The following TSHZ2 variants were observed in gnomAD, a reference collection of about 807,000 sequenced individuals.
TSHZ2 encodes teashirt zinc finger homeobox 2, also known as teashirt homolog 2.
A neutral mutation model predicts 74.4 loss-of-function variants in TSHZ2; 21 were observed. The ratio of observed to expected loss-of-function variants is 0.28; its 90% confidence interval spans 0.20 to 0.41. The LOEUF is 0.41. TSHZ2 is among the 10% of genes least tolerant of loss of function. The probability of loss-of-function intolerance (pLI) is 1.00; values close to 1 mark genes in which losing one functional copy is unlikely to be tolerated. For missense variants in TSHZ2, 1,244 were observed against 1,293.5 expected, an observed-to-expected ratio of 0.96 and a Z score of 0.59; for synonymous variants, 540 against 515.3, an observed-to-expected ratio of 1.05 and a Z score of -0.65.
chr20:53,251,196 C>A (rs1990322167), intron 1 of TSHZ2, among the ~76,000 whole-genome samples: 1 of 152,118 alleles, frequency 6.6e-6, no homozygotes, highest in Non-Finnish European at 1.5e-5. Flanking sequence ...TCTTAGTTGG[C>A]CTGGAACATC....
At chr20:53,340,624 C>T (rs200613) in intron 2 of TSHZ2, among the ~76,000 whole-genome samples, 1 of 152,020 alleles carries the variant, frequency 6.6e-6, no homozygotes, top group East Asian at 1.9e-4. Context: ...AACTGTGTTG[C>T]GCACTCCTAT....
intron 2 of TSHZ2, among the ~76,000 whole-genome samples, chr20:53,473,764 C>A (rs200490050): frequency 1.2e-3 from 182 of 151,828 alleles, no homozygotes; most frequent in African/African-American, 3.5e-3. Context: ...TTTGAAAAAA[C>A]TTTAGAAGAA....
At chr20:53,416,835 G>C (rs1271528649) in intron 2 of TSHZ2, among the ~76,000 whole-genome samples, 1 of 152,188 alleles carries the variant, frequency 6.6e-6, no homozygotes, top group Non-Finnish European at 1.5e-5. Context: ...CCCTTGGATT[G>C]CATCCCCAAA....
In TSHZ2 at chr20:53,148,986, C is replaced by T. The variant is rs1354121364; in HGVS notation, c.41-104513C>T. 2.0e-5 allele frequency among the ~76,000 whole-genome samples: 3 copies of T among 152,146 alleles called. No individual in the cohort carries two copies. In the South Asian group the frequency reaches 6.2e-4, roughly 32 times the overall value. On this transcript the variant is annotated intron_variant, in intron 1 of 2. Transcript: ENST00000371497. The stretch of plus-strand genomic sequence containing the variant: ...AATTTGGCTAATATCCAGAGCACTG[C>T]AAAGAAATAAACAATGCAAAGCAAT...
intron 1 of TSHZ2, among the ~76,000 whole-genome samples, chr20:53,002,376 T>C (rs1015574947): frequency 1.6e-4 from 24 of 152,164 alleles, no homozygotes; most frequent in African/African-American, 5.3e-4. Flanking sequence ...CCAATCACAA[T>C]CTAAAAATAA....
chr20:53,068,097 C>T (rs1223177436), intron 1 of TSHZ2, among the ~76,000 whole-genome samples: 1 of 152,152 alleles, frequency 6.6e-6, no homozygotes, highest in East Asian at 1.9e-4. Context: ...TTTAAGAACA[C>T]CAGTCACTGG....
chr20:53,055,833 T>G (rs1236782962), intron 1 of TSHZ2, among the ~76,000 whole-genome samples: 1 of 152,220 alleles, frequency 6.6e-6, no homozygotes, highest in Non-Finnish European at 1.5e-5. Flanking sequence ...TAAAGTTTTA[T>G]TGGCACTCAG....
In TSHZ2 at chr20:53,254,501, A is replaced by C. The variant is rs770925165; in HGVS notation, c.1043A>C (p.Lys348Thr). The change falls in exon 2 of 3, where the codon AAG becomes ACG. Residue 348 changes from lysine to threonine, a missense_variant. This residue lies in a region of TSHZ2 where 470 missense variants were observed against 456.5 expected (regional missense o/e 1.03). Transcript: ENST00000371497. ...GSFADSFSSQ[K>T]NANLQLSSNN... ...TTTGCAGATTCTTTTTCTTCTCAGA[A>C]GAACGCCAACTTGCAGTTGTCCTCC... 9 of 1,614,022 alleles carry C rather than the reference A, an allele frequency of 5.6e-6. No individual in the cohort carries two copies. Among genetic ancestry groups the C allele is most frequent in the Admixed American group, 5.0e-5 (3 of 60,008 alleles).
chr20:53,014,517 A>T (rs1408812503), intron 1 of TSHZ2, among the ~76,000 whole-genome samples: 1 of 152,108 alleles, frequency 6.6e-6, no homozygotes, highest in Non-Finnish European at 1.5e-5. Context: ...CCAGGTGGTG[A>T]CTGGAGGCAC....
intron 2 of TSHZ2, among the ~76,000 whole-genome samples, chr20:53,447,647 C>T (rs151133049): frequency 6.6e-6 from 1 of 152,326 alleles, no homozygotes; most frequent in Non-Finnish European, 1.5e-5. Context: ...GACTGTCCCT[C>T]AATCATTCCA....
At position 53,157,391 on chromosome 20, in the gene TSHZ2, T is replaced by A. The variant is rs536406512; in HGVS notation, c.41-96108T>A. Among the ~76,000 whole-genome samples, 17 of 147,888 alleles carry A rather than the reference T, an allele frequency of 1.1e-4. No homozygotes were observed. The South Asian group carries it at 3.4e-3, about 30-fold the overall frequency. On this transcript the variant is annotated intron_variant, in intron 1 of 2. Transcript: ENST00000371497. ...TCTGTTGAACAAACCTGTTCTATCC[T>A]CCAACATTGAGTTGGTTTTTTTTTT...
At chr20:53,180,126 C>T (rs993441361) in intron 1 of TSHZ2, among the ~76,000 whole-genome samples, 3 of 152,182 alleles carry the variant, frequency 2.0e-5, no homozygotes, top group Non-Finnish European at 2.9e-5. Context: ...ACTTCAGTAG[C>T]TTCAGAGATT....
At chr20:53,039,366 G>A (rs1983952546) in intron 1 of TSHZ2, among the ~76,000 whole-genome samples, 2 of 152,166 alleles carry the variant, frequency 1.3e-5, no homozygotes, top group African/African-American at 4.8e-5. Flanking sequence ...TCAACAACAA[G>A]TGTCAGTACC....
intron 1 of TSHZ2, among the ~76,000 whole-genome samples, chr20:53,225,495 G>A (rs545488332): frequency 1.4e-4 from 21 of 152,308 alleles, no homozygotes; most frequent in African/African-American, 4.8e-4. Context: ...AGGTGACTTC[G>A]CCCTCAGTGC....
chr20:53,064,338 G>A (rs1203285210), intron 1 of TSHZ2, among the ~76,000 whole-genome samples: 2 of 152,140 alleles, frequency 1.3e-5, no homozygotes, highest in Non-Finnish European at 2.9e-5. Context: ...CATTTTATGT[G>A]AGGGCTAGGT....
At chr20:53,479,060 T>C (rs1986074943) in intron 2 of TSHZ2, among the ~76,000 whole-genome samples, 1 of 150,670 alleles carries the variant, frequency 6.6e-6, no homozygotes, top group East Asian at 2.0e-4. Context: ...AGCTACTCAG[T>C]AGACTGAGGC....
chr20:53,070,588 A>G lies in TSHZ2; in HGVS notation c.40+97255A>G, dbSNP rs924357464. ...TGCGAAAAGAGTAATTCACAAGTCAATACATTACTCCTTCACACTTAAACA... is the reference window on the plus strand; with the variant it reads ...TGCGAAAAGAGTAATTCACAAGTCAGTACATTACTCCTTCACACTTAAACA... On this transcript the variant is annotated intron_variant, in intron 1 of 2. Transcript: ENST00000371497. Among the ~76,000 whole-genome samples, 13 of 152,216 alleles carry G rather than the reference A, an allele frequency of 8.5e-5. 1 individual carries two copies. The highest frequency in any genetic ancestry group is 2.9e-4 in the African/African-American group (12 of 41,458).
chr20:53,104,177 T>C (rs1986296538), intron 1 of TSHZ2, among the ~76,000 whole-genome samples: 1 of 151,688 alleles, frequency 6.6e-6, no homozygotes, highest in African/African-American at 2.4e-5. Flanking sequence ...GTGCTGTGAA[T>C]TCTGCATGCC....
intron 1 of TSHZ2, among the ~76,000 whole-genome samples, chr20:53,246,044 T>TTTTTTTTTTTTTTTTTTTG: frequency 6.7e-6 from 1 of 149,726 alleles, no homozygotes; most frequent in South Asian, 2.1e-4. Flanking sequence ...TTCTTTCTTT[T>TTTTTTTTTTTTTTTTTTTG]TTTTTTTTTG....
Sources: allele counts gnomAD v4.1 joint callset (sites outside exome capture counted in the v4.1 genomes callset), GRCh38; gene constraint gnomAD v4.1.1; regional missense constraint gnomAD v4.1.1; transcripts MANE v1.5; gene names NCBI Gene and HGNC (gene_info 2026-07-23, HGNC 2026-07-21).